PHF24: variants seen among roughly 807,000 people sequenced by gnomAD.
PHF24 encodes the protein PHD finger protein 24.
In PHF24, 25 loss-of-function variants were observed where a neutral mutation model predicts 42.6. That is an observed-to-expected ratio of 0.59 (90% CI 0.43 to 0.82). The LOEUF is 0.82. Ranked by LOEUF, PHF24 falls within the 40% of genes least tolerant of loss-of-function variation. The pLI, the probability that PHF24 is intolerant of heterozygous loss-of-function variation, is 0.00. For missense variants in PHF24, 470 were observed against 538.1 expected (o/e 0.87, Z 1.25); for synonymous variants, 185 against 204.8 (o/e 0.90, Z 0.83).
the PHF24 span, among the ~76,000 whole-genome samples, chr9:34,803,041 G>C: frequency 6.6e-6 from 1 of 152,152 alleles, no homozygotes; most frequent in Non-Finnish European, 1.5e-5. Context: ...CAGGGGATAT[G>C]CATTTCCCAT....
exon 8 of PHF24, chr9:34,982,147 A>C (rs1438598818): frequency 6.6e-6 from 1 of 152,176 alleles, no homozygotes; most frequent in Non-Finnish European, 1.5e-5. Context: ...TTTCTATAGC[A>C]CTGGGTAGGC....
the PHF24 span, chr9:34,725,002 C>T: frequency 5.2e-6 from 8 of 1,551,938 alleles, no homozygotes; most frequent in Admixed American, 1.6e-4. Context: ...CCTGTTGCTG[C>T]TGATCAAGGG....
chr9:34,698,991 C>T, the PHF24 span, among the ~76,000 whole-genome samples: 2 of 152,224 alleles, frequency 1.3e-5, no homozygotes. Context: ...ATTTGAAAAG[C>T]AGCTCTTGAT....
chr9:34,889,336 T>C, the PHF24 span: 1 of 398,584 alleles, frequency 2.5e-6, no homozygotes, highest in African/African-American at 2.1e-5. Flanking sequence ...TTGGCTGGAC[T>C]GAAGGGAGTG....
chr9:34,823,991 G>A, the PHF24 span, among the ~76,000 whole-genome samples: 2 of 152,292 alleles, frequency 1.3e-5, no homozygotes, highest in Admixed American at 6.5e-5. Flanking sequence ...TGGAGTAGAC[G>A]TCCTAGGTTT....
chr9:34,918,421 A>T, the PHF24 span: 1 of 532,036 alleles, frequency 1.9e-6, no homozygotes, highest in Admixed American at 3.2e-5. Context: ...AAAAAAAAAA[A>T]AATCATGGGG....
the PHF24 span, among the ~76,000 whole-genome samples, chr9:34,864,784 TAGAA>T: frequency 6.6e-6 from 1 of 152,166 alleles, no homozygotes; most frequent in Non-Finnish European, 1.5e-5. Context: ...TGCTGTTAAG[TAGAA>T]AGACTAAAAG....
At chr9:34,953,713 G>T (rs1826309502), upstream of PHF24, among the ~76,000 whole-genome samples, 1 of 152,088 alleles carries the variant, frequency 6.6e-6, no homozygotes. The surrounding 1 kb of genome is among the most constrained non-coding windows in gnomAD (Gnocchi z 4.1). Flanking sequence ...GAGAGGCCAA[G>T]GTGGGAAGAT....
chr9:34,716,152 C>T, the PHF24 span, among the ~76,000 whole-genome samples: 2 of 152,138 alleles, frequency 1.3e-5, no homozygotes, highest in South Asian at 2.1e-4. Flanking sequence ...ACTGTGCAGC[C>T]GTTACTGAAG....
chr9:34,692,157 G>A, the PHF24 span, among the ~76,000 whole-genome samples: 4 of 152,128 alleles, frequency 2.6e-5, no homozygotes, highest in African/African-American at 7.2e-5. Context: ...GTCACCCGTC[G>A]TCACCCAAAC....
At chr9:34,819,398 C>T in the PHF24 span, among the ~76,000 whole-genome samples, 43,692 of 151,766 alleles carry the variant, frequency 0.29, 7,017 homozygotes, top group East Asian at 0.56. Flanking sequence ...TCTTTAATAT[C>T]GGTATTTATT....
chr9:34,741,520 G>T, the PHF24 span, among the ~76,000 whole-genome samples: 15 of 151,894 alleles, frequency 9.9e-5, no homozygotes, highest in African/African-American at 3.6e-4. Context: ...GTGCCACCAC[G>T]CCCAGCTAAT....
the PHF24 span, among the ~76,000 whole-genome samples, chr9:34,848,609 GCT>G: frequency 6.6e-6 from 1 of 151,478 alleles, no homozygotes; most frequent in Non-Finnish European, 1.5e-5. Context: ...CTTCAGTTCT[GCT>G]CTGATTTTAG....
the PHF24 span, among the ~76,000 whole-genome samples, chr9:34,941,967 G>A: frequency 1.3e-5 from 2 of 152,134 alleles, no homozygotes; most frequent in Non-Finnish European, 2.9e-5. Flanking sequence ...GTGGCTGGTT[G>A]GTCTCAAGGA....
chr9:34,875,946 A>ACTCTCTCTCTCTCTCTCTCTCT, the PHF24 span, among the ~76,000 whole-genome samples: 2 of 88,992 alleles, frequency 2.2e-5, no homozygotes, highest in African/African-American at 5.0e-5. Context: ...ACACACACAC[A>ACTCTCTCTCTCTCTCTCTCTCT]CACACTCTCT....
At chr9:34,706,486 A>G in the PHF24 span, among the ~76,000 whole-genome samples, 2 of 152,212 alleles carry the variant, frequency 1.3e-5, no homozygotes, top group African/African-American at 4.8e-5. Context: ...ATATTTTTTA[A>G]CTGTGAGTGT....
chr9:34,965,164 T>C (rs1826725357), intron 1 of PHF24, among the ~76,000 whole-genome samples: 1 of 152,220 alleles, frequency 6.6e-6, no homozygotes, highest in African/African-American at 2.4e-5. Flanking sequence ...TTTGAGCTGA[T>C]TTTGTTAAGT....
the PHF24 span, among the ~76,000 whole-genome samples, chr9:34,947,246 A>G: frequency 1.3e-5 from 2 of 152,234 alleles, no homozygotes; most frequent in South Asian, 2.1e-4. Flanking sequence ...TGCTGCATAA[A>G]TGATGTTTTG....
the PHF24 span, among the ~76,000 whole-genome samples, chr9:34,808,687 G>A: frequency 6.6e-6 from 1 of 152,046 alleles, no homozygotes; most frequent in Non-Finnish European, 1.5e-5. Context: ...GTTGGGGAAT[G>A]CTGTTTTTCA....
Sources: gnomAD v4.1 joint callset for allele counts (sites outside exome capture counted in the v4.1 genomes callset) on GRCh38, gnomAD v4.1.1 for gene constraint, Gnocchi (gnomAD v3.1) non-coding constraint, MANE v1.5 for transcripts, NCBI Gene and HGNC (gene_info 2026-07-23, HGNC 2026-07-21) for gene names.